The following NID2 variants were observed in gnomAD, a reference collection of about 807,000 sequenced individuals.
NID2 encodes the protein nidogen-2.
Under a neutral mutation model 145.4 loss-of-function variants are expected in NID2, and 83 were observed. That is an observed-to-expected ratio of 0.57 (90% confidence interval 0.48 to 0.69). The LOEUF is 0.69. NID2 is among the 30% of genes least tolerant of loss of function. NID2 has a pLI of 0.00. For synonymous variants in NID2, 739 were observed against 701.3 expected, an observed-to-expected ratio of 1.05 and a Z score of -0.85; for missense variants, 1,807 against 1,765.7, an observed-to-expected ratio of 1.02 and a Z score of -0.42.
At chr14:52,012,043 TA>T (rs3030364) in intron 16 of NID2, 25,737 of 148,264 alleles carry the variant, frequency 0.17, 2,444 homozygotes, top group Non-Finnish European at 0.23. Context: ...ACTGATGATT[TA>T]AAAAAAAAAA....
chr14:52,066,977 G>A (rs542702419), intron 2 of NID2, among the ~76,000 whole-genome samples: 1 of 152,262 alleles, frequency 6.6e-6, no homozygotes, highest in South Asian at 2.1e-4. Context: ...CACATTGACG[G>A]CAGACTCCTA....
intron 16 of NID2, among the ~76,000 whole-genome samples, chr14:52,013,595 A>G (rs1172488398): frequency 6.6e-6 from 1 of 152,196 alleles, no homozygotes; most frequent in Non-Finnish European, 1.5e-5. Flanking sequence ...TGTCGATGCC[A>G]TTCGAGACAG....
In NID2 at chr14:52,060,357, C is replaced by T; in HGVS notation, c.535-1G>A. On this transcript the variant is annotated splice_acceptor_variant, in intron 2 of 21. Coordinates refer to ENST00000216286, the MANE Select transcript of NID2 (RefSeq NM_007361.4). LOFTEE classifies it high-confidence loss of function. Reference sequence around the variant, plus strand: ...CCAAAACTGCCTGGAAAGTGTTCAGCTGTGAGGAAAAAAAAAAAAAAAGAG... The same window carrying T: ...CCAAAACTGCCTGGAAAGTGTTCAGTTGTGAGGAAAAAAAAAAAAAAAGAG... The T allele has an allele frequency of 2.4e-6, 3 of 1,227,088 alleles. No individual in the cohort carries two copies. The highest frequency in any genetic ancestry group is 4.1e-5 in the South Asian group (2 of 49,284). The allele number at this position is 1,227,088 out of a possible 1,614,324, so 76.0% of individuals were successfully genotyped here. A position where few individuals can be genotyped will look rare whatever the true frequency, so the allele number is the denominator to read the frequency against.
At chr14:52,046,162 A>C (rs967254437) in intron 5 of NID2, among the ~76,000 whole-genome samples, 2 of 151,924 alleles carry the variant, frequency 1.3e-5, no homozygotes, top group Non-Finnish European at 2.9e-5. Context: ...TCTCTACTAA[A>C]AATACAAAAA....
rs771469289 is a variant in NID2 at position 52,011,662 on chromosome 14, C to A, written c.3442G>T (p.Asp1148Tyr). ...ACCATCCTCTCCCGGCAGTCGTAAT[C>A]AATTCCCACGATTATGGAGCCCTTT... Reference protein sequence around the residue: ...SLHGSIIVGIDYDCRERMVYW... With the variant: ...SLHGSIIVGIYYDCRERMVYW... Residue 1148 changes from aspartate to tyrosine, a missense_variant, in exon 17 of 22, where the codon GAT becomes TAT. Asp to Tyr is a radical substitution (Grantham distance 160). Transcript: ENST00000216286. 2.5e-6 allele frequency: 4 copies of A among 1,614,086 alleles called. No homozygotes were observed. Among genetic ancestry groups the A allele is most frequent in the Non-Finnish European group, 3.4e-6 (4 of 1,180,044 alleles).
intron 12 of NID2, among the ~76,000 whole-genome samples, chr14:52,025,333 C>T (rs982745322): frequency 6.6e-6 from 1 of 152,198 alleles, no homozygotes; most frequent in Non-Finnish European, 1.5e-5. Context: ...GTGGGACAAA[C>T]ATCTGTGAAT....
chr14:52,067,706 C>A (rs1893268931), intron 2 of NID2, 152 bp downstream of exon 2: 19 of 924,928 alleles, frequency 2.1e-5, no homozygotes, highest in Non-Finnish European at 3.1e-5. Flanking sequence ...TCTTTCCTCA[C>A]TCCCAAGCCA....
chr14:52,014,995 C>T lies in NID2; in HGVS notation c.3250+59G>A, dbSNP rs1472929194. 7 of 1,412,300 alleles carry T rather than the reference C, an allele frequency of 5.0e-6. No individual in the cohort carries two copies. In the South Asian group the frequency reaches 6.1e-5, roughly 12 times the overall value. 87.5% of individuals were successfully genotyped at this position (1,412,300 alleles called of 1,614,324 possible). A position where few individuals can be genotyped will look rare whatever the true frequency, so the allele number is the denominator to read the frequency against. ...TCCCCCCACTTCACCACAGCAGGCACCATCCCTAGCAAAGGCCTTAGATAC... is the reference window on the plus strand; with the variant it reads ...TCCCCCCACTTCACCACAGCAGGCATCATCCCTAGCAAAGGCCTTAGATAC... On this transcript the variant is annotated intron_variant, in intron 15 of 21. Transcript: ENST00000216286.
chr14:52,060,083 T>C (rs750868041), intron 3 of NID2, 41 bp downstream of exon 3: 5 of 1,431,200 alleles, frequency 3.5e-6, no homozygotes, highest in Non-Finnish European at 4.9e-6. Flanking sequence ...TAAAAGTCCT[T>C]ATATTCAAAT....
intron 14 of NID2, among the ~76,000 whole-genome samples, chr14:52,016,074 T>C (rs1261658777): frequency 6.6e-6 from 1 of 152,152 alleles, no homozygotes. Flanking sequence ...CCTCTCCTCT[T>C]GTCCCCTCCC....
intron 2 of NID2, among the ~76,000 whole-genome samples, chr14:52,067,315 C>T (rs959789083): frequency 8.5e-5 from 13 of 152,082 alleles, no homozygotes; most frequent in Non-Finnish European, 1.6e-4. Context: ...ATTTACAATA[C>T]ACTATTCTGT....
At chr14:52,051,177 G>T (rs926116473) in intron 5 of NID2, among the ~76,000 whole-genome samples, 6 of 104,890 alleles carry the variant, frequency 5.7e-5, no homozygotes, top group Admixed American at 4.4e-4. Context: ...TCTGTAAAAT[G>T]AGTCCCTAAG....
intron 12 of NID2, among the ~76,000 whole-genome samples, chr14:52,025,145 A>C (rs926258190): frequency 6.6e-6 from 1 of 152,190 alleles, no homozygotes; most frequent in Non-Finnish European, 1.5e-5. Flanking sequence ...CTAGGGTTAA[A>C]CCAAACAAAC....
At chr14:52,047,990 G>A (rs186058417) in intron 5 of NID2, among the ~76,000 whole-genome samples, 1 of 152,078 alleles carries the variant, frequency 6.6e-6, no homozygotes, top group African/African-American at 2.4e-5. Context: ...GTGCATCCTA[G>A]CAATCTACAC....
At chr14:52,028,940 G>T in intron 10 of NID2, 90 bp from the exon 11 acceptor site, 2 of 1,315,950 alleles carry the variant, frequency 1.5e-6, no homozygotes, top group Non-Finnish European at 2.1e-6. Flanking sequence ...TCACTAGTAT[G>T]ATGCTTCAAT....
intron 2 of NID2, among the ~76,000 whole-genome samples, chr14:52,066,733 C>T (rs565493765): frequency 2.0e-5 from 3 of 152,232 alleles, no homozygotes; most frequent in Admixed American, 6.5e-5. Context: ...GAAGCATTTC[C>T]GTAAGTTAAA....
At chr14:52,015,386 A>G in intron 14 of NID2, 111 bp from the exon 15 acceptor site, 1 of 1,029,488 alleles carries the variant, frequency 9.7e-7, no homozygotes, top group South Asian at 1.6e-5. Context: ...TCCTTCTCCT[A>G]CTGTCCAGGT....
At chr14:52,007,623 C>T in intron 19 of NID2, 187 bp downstream of exon 19, 1 of 608,028 alleles carries the variant, frequency 1.6e-6, no homozygotes, top group Non-Finnish European at 2.9e-6. Flanking sequence ...ATCCTTCCCT[C>T]CACCCAAACC....
intron 12 of NID2, among the ~76,000 whole-genome samples, chr14:52,022,042 C>T (rs1407020621): frequency 6.6e-6 from 1 of 152,182 alleles, no homozygotes; most frequent in African/African-American, 2.4e-5. Context: ...GAACCCCAAG[C>T]AATGACAGGA....
Sources: gnomAD v4.1 joint callset for allele counts (sites outside exome capture counted in the v4.1 genomes callset) on GRCh38, gnomAD v4.1.1 for gene constraint, MANE v1.5 for transcripts, NCBI Gene and HGNC (gene_info 2026-07-23, HGNC 2026-07-21) for gene names.